The following C4orf50 variants were observed in gnomAD, a reference collection of about 807,000 sequenced individuals.
C4orf50 encodes chromosome 4 open reading frame 50.
Under a neutral mutation model 77.2 loss-of-function variants are expected in C4orf50, and 80 were observed. The observed-to-expected ratio is 1.04, with a 90% CI of 0.87 to 1.25. The LOEUF is 1.25. Ranked by LOEUF, C4orf50 falls within the 50% of genes most tolerant of loss-of-function variation. The pLI, the probability that C4orf50 is intolerant of heterozygous loss-of-function variation, is 0.00. For missense variants in C4orf50, 1,257 were observed against 1,152.9 expected, an observed-to-expected ratio of 1.09 and a Z score of -1.31; for synonymous variants, 532 against 465.3, an observed-to-expected ratio of 1.14 and a Z score of -1.84.
At chr4:6,006,410 A>G (rs1268535130) in intron 25 of C4orf50, among the ~76,000 whole-genome samples, 3 of 152,226 alleles carry the variant, frequency 2.0e-5, no homozygotes, top group African/African-American at 4.8e-5. Context: ...GCAGGCTGCT[A>G]CAGTAGAAAC....
intron 7 of C4orf50, among the ~76,000 whole-genome samples, chr4:5,921,163 G>A (rs1180847600): frequency 6.6e-6 from 1 of 152,244 alleles, no homozygotes. Flanking sequence ...CGCTGAGGGA[G>A]GATCCCAGGG....
intron 7 of C4orf50, among the ~76,000 whole-genome samples, chr4:5,917,648 G>A (rs542097488): frequency 3.9e-5 from 6 of 152,062 alleles, no homozygotes; most frequent in East Asian, 1.9e-4. Context: ...TCTTGACCTC[G>A]TGATCCGCTC....
chr4:5,952,246 T>TGATA (rs563153832), downstream of C4orf50, among the ~76,000 whole-genome samples: 58 of 152,128 alleles, frequency 3.8e-4, no homozygotes, highest in South Asian at 6.2e-4. The surrounding 1 kb of genome is among the most constrained non-coding windows in gnomAD (Gnocchi z 4.4). Context: ...GATGGGTAGA[T>TGATA]GATAGATAGA....
At chr4:5,904,397 G>T (rs1054796187) in intron 7 of C4orf50, 2 of 152,240 alleles carry the variant, frequency 1.3e-5, no homozygotes, top group African/African-American at 4.8e-5. Flanking sequence ...TCAGTTGGGC[G>T]CAACTCATGG....
exon 34 of C4orf50, chr4:5,959,438 C>T: frequency 2.5e-6 from 4 of 1,614,190 alleles, no homozygotes; most frequent in Non-Finnish European, 3.4e-6. Context: ...TTTGTCTAAG[C>T]TCTTGGTGAA....
At chr4:5,964,349 CAGCCTTGATGTG>C (rs1719433422) in intron 33 of C4orf50, among the ~76,000 whole-genome samples, 1 of 152,138 alleles carries the variant, frequency 6.6e-6, no homozygotes, top group African/African-American at 2.4e-5. Flanking sequence ...CTTGTCGACT[CAGCCTTGATGTG>C]AGGAAGATGA....
intron 25 of C4orf50, among the ~76,000 whole-genome samples, chr4:5,997,965 G>A (rs574943333): frequency 6.6e-6 from 1 of 152,280 alleles, no homozygotes; most frequent in African/African-American, 2.4e-5. Flanking sequence ...GGGTTGTTAC[G>A]AATTTTTACC....
At chr4:5,931,602 G>A (rs1261592499) in intron 7 of C4orf50, among the ~76,000 whole-genome samples, 1 of 152,074 alleles carries the variant, frequency 6.6e-6, no homozygotes, top group Non-Finnish European at 1.5e-5. Flanking sequence ...CCAAACACAG[G>A]CTCTGCGCGG....
intron 7 of C4orf50, among the ~76,000 whole-genome samples, chr4:5,941,406 G>A (rs113049981): frequency 7.2e-4 from 109 of 152,246 alleles, no homozygotes; most frequent in African/African-American, 2.2e-3. Flanking sequence ...TCCTGCACCC[G>A]TTGCTACTCC....
At chr4:5,902,202 T>C (rs1716369589) in intron 7 of C4orf50, 1 of 152,218 alleles carries the variant, frequency 6.6e-6, no homozygotes. Flanking sequence ...CTTTTTAACC[T>C]AGAAAACAGA....
exon 34 of C4orf50, chr4:5,959,264 G>T: frequency 7.8e-7 from 1 of 1,274,340 alleles, no homozygotes; most frequent in Non-Finnish European, 1.1e-6. Context: ...AAAACCACTT[G>T]CCACTAAATG....
intron 33 of C4orf50, among the ~76,000 whole-genome samples, chr4:5,961,393 T>A (rs1009493709): frequency 1.3e-5 from 2 of 152,212 alleles, no homozygotes; most frequent in Non-Finnish European, 2.9e-5. Context: ...AAGAGTAGTA[T>A]AATATTGGCA....
chr4:5,977,418 C>A (rs1309736106), intron 29 of C4orf50, among the ~76,000 whole-genome samples: 1 of 152,164 alleles, frequency 6.6e-6, no homozygotes. Flanking sequence ...TGCAAAAGGT[C>A]TTGCATCTTG....
At chr4:5,993,451 C>T (rs1291722986) in intron 26 of C4orf50, among the ~76,000 whole-genome samples, 1 of 152,182 alleles carries the variant, frequency 6.6e-6, no homozygotes, top group African/African-American at 2.4e-5. Flanking sequence ...CCACAGATGC[C>T]CAGTTGGCCG....
chr4:5,993,868 A>G (rs1053509045), intron 26 of C4orf50, among the ~76,000 whole-genome samples: 44 of 147,506 alleles, frequency 3.0e-4, no homozygotes, highest in Non-Finnish European at 4.5e-4. Flanking sequence ...AAAAAAAAAA[A>G]AGAGAGAGAG....
At chr4:5,936,562 CAAAAA>C (rs374200584) in intron 7 of C4orf50, among the ~76,000 whole-genome samples, 1 of 75,428 alleles carries the variant, frequency 1.3e-5, no homozygotes, top group African/African-American at 5.3e-5. Context: ...GACGCCATCT[CAAAAA>C]AAAAAAAAAA....
chr4:5,934,051 G>T (rs1285790613), intron 7 of C4orf50, among the ~76,000 whole-genome samples: 1 of 152,094 alleles, frequency 6.6e-6, no homozygotes, highest in Non-Finnish European at 1.5e-5. Flanking sequence ...CAGCAGCGTG[G>T]TGTAGGGTTA....
chr4:5,979,156 G>C (rs755627614), intron 29 of C4orf50, among the ~76,000 whole-genome samples: 4 of 152,196 alleles, frequency 2.6e-5, no homozygotes, highest in Non-Finnish European at 5.9e-5. Context: ...ACCTATCACA[G>C]TTAATGATTT....
chr4:5,952,761 A>C (rs914307946), downstream of C4orf50, among the ~76,000 whole-genome samples: 5 of 152,194 alleles, frequency 3.3e-5, no homozygotes, highest in African/African-American at 1.2e-4. This position sits in a 1 kb window ranked among gnomAD's most constrained non-coding sequence, Gnocchi z 4.4. Context: ...AAACAAAGCC[A>C]GATTTCCAGG....
Sources: allele counts gnomAD v4.1 joint callset (sites outside exome capture counted in the v4.1 genomes callset), GRCh38; gene constraint gnomAD v4.1.1; non-coding constraint Gnocchi (gnomAD v3.1); transcripts MANE v1.5; gene names NCBI Gene and HGNC (gene_info 2026-07-23, HGNC 2026-07-21).